The following DOCK10 variants were observed in gnomAD, a reference collection of about 807,000 sequenced individuals.
The protein encoded by DOCK10 is dedicator of cytokinesis protein 10.
A neutral mutation model predicts 280.1 loss-of-function variants in DOCK10; 145 were observed. The ratio of observed to expected loss-of-function variants is 0.52; its 90% CI spans 0.45 to 0.59. The LOEUF is 0.59. Among genes scored for constraint, DOCK10 ranks in the 20% least tolerant of loss-of-function variants. DOCK10 has a pLI of 0.00. For synonymous variants in DOCK10, 915 were observed against 942.2 expected (o/e 0.97, Z 0.53); for missense variants, 2,368 against 2,651.7 (o/e 0.89, Z 2.35).
intron 1 of DOCK10, among the ~76,000 whole-genome samples, chr2:224,999,268 G>A (rs573218364): frequency 4.1e-4 from 61 of 149,696 alleles, no homozygotes; most frequent in African/African-American, 1.4e-3. Context: ...TTTTCAATAA[G>A]GGTCTCGCTA....
In DOCK10 at chr2:224,872,038, T is replaced by C. The variant is rs114308378; in HGVS notation, c.1257+1958A>G. 4.6e-3 allele frequency among the ~76,000 whole-genome samples: 703 copies of C among 152,280 alleles called. 3 individuals carry two copies. Among genetic ancestry groups the C allele is most frequent in the African/African-American group, 0.015 (622 of 41,562 alleles). ...ACTTGGAATAAGTATATTTGGAGAA[T>C]GAATAAACCTGACTTCAACTACTTT... On this transcript the variant is annotated intron_variant, in intron 11 of 55. Transcript: ENST00000258390.
At chr2:224,822,091 C>A (rs1019470969) in intron 28 of DOCK10, among the ~76,000 whole-genome samples, 1 of 152,116 alleles carries the variant, frequency 6.6e-6, no homozygotes, top group African/African-American at 2.4e-5. Context: ...ATATTATTAG[C>A]ATTTATTTAT....
chr2:224,845,789 T>G (rs1338935007), intron 19 of DOCK10, 147 bp from the exon 20 acceptor site: 2 of 726,588 alleles, frequency 2.8e-6, no homozygotes, highest in African/African-American at 3.6e-5. Context: ...AATGGCACGA[T>G]CTAGGCTCAC....
chr2:225,027,546 G>A (rs938160264), intron 1 of DOCK10, among the ~76,000 whole-genome samples: 23 of 152,084 alleles, frequency 1.5e-4, no homozygotes, highest in Non-Finnish European at 7.4e-5. Context: ...CATCCGCCCT[G>A]GTACTGTGGT....
At chr2:224,943,601 A>G (rs1471802232) in intron 1 of DOCK10, among the ~76,000 whole-genome samples, 1 of 152,204 alleles carries the variant, frequency 6.6e-6, no homozygotes, top group Non-Finnish European at 1.5e-5. Flanking sequence ...GAGTATATCC[A>G]AAAATTTAAA....
chr2:224,845,739 T>C, intron 19 of DOCK10, 97 bp from the exon 20 acceptor site: 1 of 1,225,304 alleles, frequency 8.2e-7, no homozygotes, highest in Non-Finnish European at 1.1e-6. Flanking sequence ...CTTTTTTTTT[T>C]TTGAGACTGC....
intron 1 of DOCK10, among the ~76,000 whole-genome samples, chr2:224,936,676 C>A (rs1448060496): frequency 6.6e-6 from 1 of 152,048 alleles, no homozygotes; most frequent in African/African-American, 2.4e-5. Context: ...AATAATCACA[C>A]AAGATTTAAT....
chr2:225,021,657 G>T (rs2106102085), intron 1 of DOCK10, among the ~76,000 whole-genome samples: 1 of 152,262 alleles, frequency 6.6e-6, no homozygotes, highest in Middle Eastern at 3.4e-3. Flanking sequence ...TTTTGGATTT[G>T]TACTTTGATA....
chr2:224,788,821 TA>T (rs1691938162), intron 48 of DOCK10, among the ~76,000 whole-genome samples: 1 of 152,218 alleles, frequency 6.6e-6, no homozygotes, highest in African/African-American at 2.4e-5. Context: ...GCCAAGATTT[TA>T]TCTGATAGAA....
At chr2:224,896,472 T>C (rs1007369993) in intron 3 of DOCK10, 95 bp from the exon 4 acceptor site, 1 of 708,200 alleles carries the variant, frequency 1.4e-6, no homozygotes, top group Non-Finnish European at 2.2e-6. Flanking sequence ...ACTTTGAGAG[T>C]CTGAGGCGGG....
At chr2:224,986,140 G>T (rs2126263203) in intron 1 of DOCK10, among the ~76,000 whole-genome samples, 1 of 152,292 alleles carries the variant, frequency 6.6e-6, no homozygotes, top group East Asian at 1.9e-4. Context: ...GACCTTGGAT[G>T]GGGAGAGGTT....
At chr2:224,826,965 AG>A (rs898310740) in intron 27 of DOCK10, among the ~76,000 whole-genome samples, 3 of 151,496 alleles carry the variant, frequency 2.0e-5, no homozygotes, top group Admixed American at 1.3e-4. Context: ...CCGTGTATCA[AG>A]GGGAAAAAAA....
At chr2:225,041,335 C>A (rs1173482967) in intron 1 of DOCK10, among the ~76,000 whole-genome samples, 1 of 152,190 alleles carries the variant, frequency 6.6e-6, no homozygotes, top group African/African-American at 2.4e-5. Flanking sequence ...GGCTGCTGAG[C>A]CCCGGTCTTG....
At chr2:224,917,727 TAAAAC>T (rs1307454006) in intron 2 of DOCK10, among the ~76,000 whole-genome samples, 1 of 152,168 alleles carries the variant, frequency 6.6e-6, no homozygotes, top group African/African-American at 2.4e-5. Flanking sequence ...AAGTACTTCT[TAAAAC>T]AAAACATCAC....
At chr2:224,807,606 A>G (rs1183548642) in intron 33 of DOCK10, 62 bp downstream of exon 33, 3 of 1,202,362 alleles carry the variant, frequency 2.5e-6, no homozygotes, top group Middle Eastern at 2.0e-4. Flanking sequence ...CAGGGCAAAA[A>G]ATAATTAAAA....
intron 31 of DOCK10, among the ~76,000 whole-genome samples, chr2:224,811,523 C>T (rs1342666776): frequency 6.6e-6 from 1 of 151,930 alleles, no homozygotes; most frequent in Non-Finnish European, 1.5e-5. Flanking sequence ...GCTTTTGTTG[C>T]CATTGCTTTT....
At chr2:224,865,153 G>C (rs1280287218) in intron 11 of DOCK10, 66 bp from the exon 12 acceptor site, 15 of 1,460,676 alleles carry the variant, frequency 1.0e-5, no homozygotes, top group African/African-American at 1.4e-5. Flanking sequence ...AGCCTCGTTA[G>C]TACATCATTT....
At chr2:224,946,963 A>C (rs1283576152) in intron 1 of DOCK10, 1 of 1,536,244 alleles carries the variant, frequency 6.5e-7, no homozygotes, top group Admixed American at 2.1e-5. Context: ...GTATTGCTAT[A>C]ATTTGAGTCA....
intron 1 of DOCK10, among the ~76,000 whole-genome samples, chr2:225,027,106 A>G (rs1024642129): frequency 2.6e-5 from 4 of 152,172 alleles, no homozygotes; most frequent in African/African-American, 9.7e-5. Flanking sequence ...ATGGAGAAAG[A>G]AGTACAGAGC....
Sources: allele counts gnomAD v4.1 joint callset (sites outside exome capture counted in the v4.1 genomes callset), GRCh38; gene constraint gnomAD v4.1.1; transcripts MANE v1.5; gene names NCBI Gene and HGNC (gene_info 2026-07-23, HGNC 2026-07-21).